Variants in ST8SIA5 observed in about 807,000 individuals in gnomAD.
ST8SIA5 encodes alpha-2,8-sialyltransferase 8E.
A neutral mutation model predicts 40.2 loss-of-function variants in ST8SIA5; 24 were observed. The observed-to-expected ratio is 0.60, with a 90% CI of 0.43 to 0.84. ST8SIA5 has a LOEUF of 0.84. Among genes scored for constraint, ST8SIA5 ranks in the 40% least tolerant of loss-of-function variants. The probability of loss-of-function intolerance (pLI) is 0.00; values close to 1 mark genes in which losing one functional copy is unlikely to be tolerated. For missense variants in ST8SIA5, 465 were observed against 498.5 expected, an observed-to-expected ratio of 0.93 and a Z score of 0.64; for synonymous variants, 198 against 201.8, an observed-to-expected ratio of 0.98 and a Z score of 0.16.
intron 1 of ST8SIA5, among the ~76,000 whole-genome samples, chr18:46,737,104 G>C (rs922765532): frequency 6.6e-6 from 1 of 152,180 alleles, no homozygotes; most frequent in African/African-American, 2.4e-5. Context: ...GCTTCACAGA[G>C]CTATGGTGTC....
Position 46,756,473 on chromosome 18 carries a change from C to T in ST8SIA5, c.36G>A (p.Leu12=). 6.2e-7 allele frequency: 1 copy of T among 1,613,180 alleles called. No individual in the cohort carries two copies. Among genetic ancestry groups the T allele is most frequent in the African/African-American group, 1.3e-5 (1 of 74,998 alleles). The change falls in exon 1 of 7, where the codon TTG becomes TTA. Residue 12 remains leucine (L), a synonymous_variant. Transcript: ENST00000315087. ...TGAAGAGCAAAGTTCGGCTCCCCAA[C>T]AAATCCCGGTTGGCCGAGGGGTCCG... ...RYADPSANRD[L]LGSRTLLFIF...
At chr18:46,738,692 ACT>A (rs2040058960) in intron 1 of ST8SIA5, among the ~76,000 whole-genome samples, 1 of 150,552 alleles carries the variant, frequency 6.6e-6, no homozygotes, top group South Asian at 2.1e-4. Context: ...CGAGAACCAC[ACT>A]CTGGATAGAT....
At chr18:46,687,654 C>T (rs1236529215) in intron 4 of ST8SIA5, among the ~76,000 whole-genome samples, 2 of 152,144 alleles carry the variant, frequency 1.3e-5, no homozygotes, top group African/African-American at 2.4e-5. Flanking sequence ...CAGCTCCTCC[C>T]CCACATCCCC....
At position 46,692,254 on chromosome 18, in the gene ST8SIA5, C is replaced by G; in HGVS notation, c.226G>C (p.Val76Leu). Residue 76 changes from valine (V) to leucine (L), a missense_variant and splice_region_variant, in exon 3 of 7, where the codon GTG (valine) becomes CTG (leucine). Val to Leu is a conservative substitution (Grantham distance 32, BLOSUM62 1). Coordinates refer to ENST00000315087, the MANE Select transcript of ST8SIA5 (RefSeq NM_013305.6). ...CTGTCGAACAGCTCTGACTGCTTCA[C>G]CCTTGGGAGTAGAGGACAGAAGAGT... ...EILEVKVLSM[V>L]KQSELFDRWK... is the part of the protein sequence containing the mutation. The G allele has an allele frequency of 6.2e-7, 1 of 1,614,122 alleles. No homozygotes were observed. The highest frequency in any genetic ancestry group is 8.5e-7 in the Non-Finnish European group (1 of 1,180,000).
At chr18:46,689,097 A>C in intron 3 of ST8SIA5, 178 bp from the exon 4 acceptor site, 30 of 575,126 alleles carry the variant, frequency 5.2e-5, no homozygotes, top group Non-Finnish European at 5.9e-5. Context: ...TCCCACACAC[A>C]TCCCCACCCT....
At chr18:46,693,367 G>A (rs928662737) in intron 2 of ST8SIA5, among the ~76,000 whole-genome samples, 2 of 152,092 alleles carry the variant, frequency 1.3e-5, no homozygotes, top group African/African-American at 2.4e-5. Context: ...CTTCTCAAGG[G>A]TGGATCACAG....
intron 2 of ST8SIA5, among the ~76,000 whole-genome samples, chr18:46,703,907 C>T (rs1326225646): frequency 6.6e-6 from 1 of 152,124 alleles, no homozygotes; most frequent in Non-Finnish European, 1.5e-5. Context: ...ATGTGCTTTC[C>T]CTCCTGTGGG....
chr18:46,680,890 C>T (rs2039388106), intron 6 of ST8SIA5, among the ~76,000 whole-genome samples: 1 of 152,204 alleles, frequency 6.6e-6, no homozygotes, highest in South Asian at 2.1e-4. Context: ...CCCAAGCTCC[C>T]CAGGGACAAA....
intron 1 of ST8SIA5, among the ~76,000 whole-genome samples, chr18:46,719,938 A>G (rs1253338923): frequency 6.6e-6 from 1 of 151,414 alleles, no homozygotes; most frequent in Admixed American, 6.6e-5. Flanking sequence ...TCCCAGGTTC[A>G]AGCTATTCTC....
At chr18:46,748,122 A>C (rs571757852) in intron 1 of ST8SIA5, among the ~76,000 whole-genome samples, 35 of 152,190 alleles carry the variant, frequency 2.3e-4, no homozygotes, top group Non-Finnish European at 4.1e-4. Flanking sequence ...TCTAATGTAA[A>C]TAATGAATTG....
intron 3 of ST8SIA5, chr18:46,691,948 T>C: frequency 1.8e-6 from 1 of 568,730 alleles, no homozygotes; most frequent in South Asian, 2.0e-5. Context: ...CTGCAAGGAC[T>C]AAGGGAGAGA....
intron 1 of ST8SIA5, among the ~76,000 whole-genome samples, chr18:46,725,033 AAG>A (rs1302366723): frequency 2.1e-5 from 3 of 146,060 alleles, no homozygotes; most frequent in African/African-American, 8.2e-5. Context: ...GGAAGGAAGG[AAG>A]GAAGGAAGGA....
intron 1 of ST8SIA5, among the ~76,000 whole-genome samples, chr18:46,733,934 A>G (rs1167478397): frequency 6.6e-6 from 1 of 152,082 alleles, no homozygotes; most frequent in East Asian, 1.9e-4. Context: ...AGGAGCCAAG[A>G]ACTCAGCCAG....
intron 1 of ST8SIA5, among the ~76,000 whole-genome samples, chr18:46,711,945 AG>A (rs1397358127): frequency 1.3e-5 from 2 of 152,208 alleles, no homozygotes; most frequent in African/African-American, 4.8e-5. Context: ...TGATGTTCTC[AG>A]TGCAACCCTA....
intron 2 of ST8SIA5, among the ~76,000 whole-genome samples, chr18:46,696,294 C>A (rs1017215520): frequency 8.5e-5 from 13 of 152,184 alleles, no homozygotes; most frequent in African/African-American, 3.1e-4. Flanking sequence ...CAGCAACACC[C>A]TGGCTCACCC....
At chr18:46,752,550 A>G (rs571829310) in intron 1 of ST8SIA5, among the ~76,000 whole-genome samples, 7 of 152,184 alleles carry the variant, frequency 4.6e-5, no homozygotes, top group Admixed American at 4.6e-4. Flanking sequence ...GCACTGCCCC[A>G]CCTTCTCCCC....
At chr18:46,721,595 G>T in intron 1 of ST8SIA5, 1 of 758,804 alleles carries the variant, frequency 1.3e-6, no homozygotes, top group Non-Finnish European at 2.2e-6. Context: ...TAAAGGAGGC[G>T]ATGGTACTGA....
intron 1 of ST8SIA5, among the ~76,000 whole-genome samples, chr18:46,712,896 C>T (rs1368191282): frequency 6.6e-6 from 1 of 152,168 alleles, no homozygotes; most frequent in African/African-American, 2.4e-5. Flanking sequence ...GAAGGCCACT[C>T]TGGACAGGGG....
At chr18:46,736,303 C>T (rs971107105) in intron 1 of ST8SIA5, among the ~76,000 whole-genome samples, 1 of 152,150 alleles carries the variant, frequency 6.6e-6, no homozygotes, top group Non-Finnish European at 1.5e-5. Context: ...ACAAAGGGCA[C>T]ACAATGGATG....
Sources: allele counts gnomAD v4.1 joint callset (sites outside exome capture counted in the v4.1 genomes callset), GRCh38; gene constraint gnomAD v4.1.1; transcripts MANE v1.5; gene names NCBI Gene and HGNC (gene_info 2026-07-23, HGNC 2026-07-21).